The following POLK variants were observed in gnomAD, a reference collection of about 807,000 sequenced individuals.
POLK encodes polymerase (DNA directed) kappa.
POLK carries 76 observed loss-of-function variants against 94.0 expected under a neutral mutation model. The observed-to-expected ratio is 0.81, with a 90% CI of 0.67 to 0.98. The LOEUF (loss-of-function observed/expected upper bound fraction) is 0.98. POLK is among the 50% of genes least tolerant of loss of function. The pLI is 0.00. For synonymous variants in POLK, 349 were observed against 325.4 expected (o/e 1.07, Z -0.78); for missense variants, 954 against 1,010.1 (o/e 0.94, Z 0.75).
intron 2 of POLK, among the ~76,000 whole-genome samples, chr5:75,551,469 G>A (rs1770329200): frequency 6.6e-6 from 1 of 151,988 alleles, no homozygotes; most frequent in South Asian, 2.1e-4. Flanking sequence ...AAACACATAT[G>A]TGATAAAAGA....
chr5:75,577,537 T>C (rs1269843772), intron 6 of POLK, among the ~76,000 whole-genome samples: 1 of 152,164 alleles, frequency 6.6e-6, no homozygotes. Context: ...TTACACATAC[T>C]GCTTTCAACA....
chr5:75,511,095 C>T (rs1385967903), upstream of POLK: 3 of 1,535,292 alleles, frequency 2.0e-6, no homozygotes, highest in Non-Finnish European at 2.6e-6. Context: ...GGTCCCTTGG[C>T]ACCAGGGGTT....
chr5:75,606,632 T>C, the POLK span, among the ~76,000 whole-genome samples: 6 of 149,936 alleles, frequency 4.0e-5, no homozygotes, highest in Non-Finnish European at 3.0e-5. Context: ...CAACTCTGAG[T>C]TGACACAGCA....
chr5:75,559,550 T>TTTTTTA (rs1581018538), intron 3 of POLK, among the ~76,000 whole-genome samples: 1 of 129,708 alleles, frequency 7.7e-6, no homozygotes, highest in African/African-American at 3.3e-5. Flanking sequence ...TTTTTTTTTT[T>TTTTTTA]AGAGACAGGG....
rs143936314 is a variant in POLK, at chr5:75,585,772, G to T, written c.1226+846G>T. ...CTCTGGGCACTATTTTTACAATTTT[G>T]TCATCACCTTGTCAGCCTGTCCTCA... On this transcript the variant is annotated intron_variant, in intron 9 of 14. Coordinates refer to ENST00000241436, the Ensembl canonical transcript of POLK. Among the ~76,000 whole-genome samples the T allele has an allele frequency of 1.1e-3, 164 of 152,272 alleles. 1 individual carries two copies. In the East Asian group the frequency reaches 0.027, roughly 25 times the overall value.
At chr5:75,541,995 T>A (rs150020871) in intron 1 of POLK, among the ~76,000 whole-genome samples, 1 of 152,324 alleles carries the variant, frequency 6.6e-6, no homozygotes, top group South Asian at 2.1e-4. Flanking sequence ...TCATATAAGA[T>A]GTATTGGTTT....
chr5:75,553,651 A>G (rs1006208150), intron 3 of POLK, among the ~76,000 whole-genome samples: 1 of 152,064 alleles, frequency 6.6e-6, no homozygotes, highest in Non-Finnish European at 1.5e-5. Flanking sequence ...TTCATACGCA[A>G]CCCTGTGATT....
chr5:75,523,602 C>T (rs1371737162), intron 1 of POLK, among the ~76,000 whole-genome samples: 1 of 152,168 alleles, frequency 6.6e-6, no homozygotes, highest in Non-Finnish European at 1.5e-5. Context: ...AGAACCCAAA[C>T]TGTTTTGTGA....
At chr5:75,546,519 C>T (rs1309511183) in intron 1 of POLK, among the ~76,000 whole-genome samples, 1 of 152,064 alleles carries the variant, frequency 6.6e-6, no homozygotes, top group African/African-American at 2.4e-5. Context: ...AAATTCTTAA[C>T]TGTCATTTAA....
intron 2 of POLK, 23 bp from the exon 3 acceptor site, chr5:75,552,449 C>A: frequency 6.2e-7 from 1 of 1,601,068 alleles, no homozygotes; most frequent in South Asian, 1.1e-5. Flanking sequence ...TTTTCTTATG[C>A]TTTGTTTTGT....
intron 13 of POLK, chr5:75,597,429 A>T (rs1274335597): frequency 2.3e-6 from 1 of 432,022 alleles, no homozygotes; most frequent in African/African-American, 2.0e-5. Context: ...GAGCTGAGTG[A>T]TCTAATCAAA....
At chr5:75,603,640 A>T (rs1345045503), downstream of POLK, among the ~76,000 whole-genome samples, 2 of 152,118 alleles carry the variant, frequency 1.3e-5, no homozygotes, top group East Asian at 1.9e-4. Flanking sequence ...GCTAGCTCCT[A>T]TATATCACTG....
chr5:75,584,134 G>A (rs553536724), intron 8 of POLK, among the ~76,000 whole-genome samples: 3 of 152,240 alleles, frequency 2.0e-5, no homozygotes, highest in African/African-American at 4.8e-5. Context: ...CTTTAAAAAG[G>A]TTCTGGGGTC....
At chr5:75,536,616 C>A (rs1000707296) in intron 1 of POLK, among the ~76,000 whole-genome samples, 1 of 151,198 alleles carries the variant, frequency 6.6e-6, no homozygotes, top group African/African-American at 2.4e-5. Flanking sequence ...GTGGAGGCAC[C>A]CACCCTGCCC....
At chr5:75,551,329 C>T (rs907823731) in intron 2 of POLK, among the ~76,000 whole-genome samples, 2 of 151,162 alleles carry the variant, frequency 1.3e-5, no homozygotes, top group African/African-American at 4.9e-5. Context: ...GTGATCCTAA[C>T]ACTTTGGAAG....
chr5:75,583,112 A>G (rs934274806), intron 7 of POLK, 181 bp from the exon 8 acceptor site: 1 of 457,386 alleles, frequency 2.2e-6, no homozygotes, highest in African/African-American at 2.0e-5. Context: ...AGTACAATTT[A>G]TTTTCCTAAA....
At position 75,527,495 on chromosome 5, in the gene POLK, T is replaced by TTATA. The variant is rs1417486588; in HGVS notation, c.-14+15586_-14+15589dup. Among the ~76,000 whole-genome samples the TTATA allele has an allele frequency of 9.0e-3, 1,033 of 115,158 alleles. 12 individuals carry two copies. Among genetic ancestry groups the TTATA allele is most frequent in the East Asian group, 0.03 (120 of 4,030 alleles). 75.5% of individuals were successfully genotyped at this position (115,158 alleles called of 152,430 possible). ...ACCCTGTCTCAAAAAAAAAAAAAAT[T>TTATA]TATATATACACACACACACACACAC... is the stretch of plus-strand genomic sequence containing the variant. On this transcript the variant is annotated intron_variant, in intron 1 of 14. Transcript: ENST00000241436.
At position 75,547,049 on chromosome 5, in the gene POLK, C is replaced by A. The variant is rs774454489; in HGVS notation, c.27C>A (p.Asp9Glu). 2 of 1,530,934 alleles carry A rather than the reference C, an allele frequency of 1.3e-6. No homozygotes were observed. Among genetic ancestry groups the A allele is most frequent in the Non-Finnish European group, 1.8e-6 (2 of 1,119,946 alleles). 94.8% of individuals were successfully genotyped at this position (1,530,934 alleles called of 1,614,324 possible). The change falls in exon 2 of 15, where the codon GAC becomes GAA. Residue 9 changes from aspartate (D) to glutamate (E), a missense_variant. Asp to Glu is a conservative substitution (Grantham distance 45, BLOSUM62 2). Transcript: ENST00000241436. Reference sequence around the variant, plus strand: ...TGGATAGCACAAAGGAGAAGTGTGACAGTTACAAAGATGATCTTCTGCTTA... The same window carrying A: ...TGGATAGCACAAAGGAGAAGTGTGAAAGTTACAAAGATGATCTTCTGCTTA...
intron 1 of POLK, among the ~76,000 whole-genome samples, chr5:75,537,352 C>T (rs1049442867): frequency 6.6e-6 from 1 of 152,174 alleles, no homozygotes; most frequent in Non-Finnish European, 1.5e-5. Flanking sequence ...AGTGTGAATC[C>T]CCCTGGGGGC....
Sources: allele counts gnomAD v4.1 joint callset (sites outside exome capture counted in the v4.1 genomes callset), GRCh38; gene constraint gnomAD v4.1.1; transcripts MANE v1.5; gene names NCBI Gene and HGNC (gene_info 2026-07-23, HGNC 2026-07-21).